Variants in NCKAP5 observed in about 807,000 individuals in gnomAD.
The protein encoded by NCKAP5 is NCK associated protein 5, also known as nck-associated protein 5.
Under a neutral mutation model 167.0 loss-of-function variants are expected in NCKAP5, and 92 were observed. The ratio of observed to expected loss-of-function variants is 0.55; its 90% confidence interval spans 0.47 to 0.66. The LOEUF (loss-of-function observed/expected upper bound fraction) is 0.66, where lower values mean the gene tolerates loss of function less well. Ranked by LOEUF, NCKAP5 falls within the 30% of genes least tolerant of loss-of-function variation. The pLI, the probability that NCKAP5 is intolerant of heterozygous loss-of-function variation, is 0.00. For missense variants in NCKAP5, 2,378 were observed against 2,315.0 expected (o/e 1.03, Z -0.56); for synonymous variants, 891 against 877.4 (o/e 1.02, Z -0.27).
At chr2:133,532,405 G>T (rs1685440301) in intron 2 of NCKAP5, among the ~76,000 whole-genome samples, 1 of 152,182 alleles carries the variant, frequency 6.6e-6, no homozygotes, top group Non-Finnish European at 1.5e-5. Context: ...TGAGAAGGCA[G>T]TGCCAAATTG....
the NCKAP5 span, among the ~76,000 whole-genome samples, chr2:133,599,769 G>A: frequency 2.4e-3 from 366 of 152,326 alleles, 2 homozygotes; most frequent in African/African-American, 8.2e-3. Context: ...GAGATGCCGG[G>A]AGAGCATGAG....
chr2:132,822,929 A>G (rs1686861665), intron 11 of NCKAP5, among the ~76,000 whole-genome samples: 1 of 152,212 alleles, frequency 6.6e-6, no homozygotes, highest in South Asian at 2.1e-4. Flanking sequence ...TTTCAACAAT[A>G]GACTAGGATA....
At chr2:133,663,062 C>G in the NCKAP5 span, among the ~76,000 whole-genome samples, 7 of 151,882 alleles carry the variant, frequency 4.6e-5, no homozygotes, top group African/African-American at 1.7e-4. Flanking sequence ...GTCAGGAGAT[C>G]GAGACCATCC....
At chr2:132,986,589 A>G (rs868239368) in intron 7 of NCKAP5, among the ~76,000 whole-genome samples, 4 of 152,238 alleles carry the variant, frequency 2.6e-5, no homozygotes, top group Admixed American at 2.0e-4. Context: ...ACATATGTTC[A>G]TGAAAATAAA....
At chr2:133,416,532 C>G (rs1689118627) in intron 3 of NCKAP5, among the ~76,000 whole-genome samples, 1 of 152,088 alleles carries the variant, frequency 6.6e-6, no homozygotes, top group South Asian at 2.1e-4. Context: ...ATGGAAACTT[C>G]AGGCTTCTTG....
At position 133,567,678 on chromosome 2, in the gene NCKAP5, TG is replaced by T. The variant is rs1575169239; in HGVS notation, c.-130+537del. The stretch of plus-strand genomic sequence containing the variant: ...GAGCCTGTGTGTGTGTGTGTGTGTG[TG>T]TGTGTGTGTGTGTGTGTGTGTTTGG... On this transcript the variant is annotated intron_variant, in intron 1 of 19. Coordinates refer to ENST00000409261, the MANE Select transcript of NCKAP5 (RefSeq NM_207363.3). Among the ~76,000 whole-genome samples, 9 of 151,470 alleles carry T rather than the reference TG, an allele frequency of 5.9e-5. No individual in the cohort carries two copies. The East Asian group carries it at 1.8e-3, about 29-fold the overall frequency.
At chr2:133,300,332 G>C (rs944718524) in intron 4 of NCKAP5, among the ~76,000 whole-genome samples, 1 of 133,598 alleles carries the variant, frequency 7.5e-6, no homozygotes, top group African/African-American at 3.2e-5. Context: ...CCAAAAAAGA[G>C]AATTTTAGAC....
chr2:133,377,449 C>T (rs958488725), intron 3 of NCKAP5, among the ~76,000 whole-genome samples: 1 of 152,122 alleles, frequency 6.6e-6, no homozygotes, highest in Non-Finnish European at 1.5e-5. Flanking sequence ...ACCACACTTC[C>T]TAAACCTCAT....
chr2:133,667,225 T>C, the NCKAP5 span, among the ~76,000 whole-genome samples: 11 of 150,726 alleles, frequency 7.3e-5, no homozygotes, highest in Admixed American at 6.6e-4. Flanking sequence ...GTTCCAAATA[T>C]TGGATCATTT....
intron 4 of NCKAP5, chr2:133,264,947 A>G (rs1040867373): frequency 2.0e-5 from 3 of 152,268 alleles, no homozygotes; most frequent in Non-Finnish European, 4.4e-5. Flanking sequence ...CTACTCCTGC[A>G]AAGAACATTA....
At chr2:132,682,953 C>G (rs547206576) in intron 19 of NCKAP5, among the ~76,000 whole-genome samples, 1 of 150,592 alleles carries the variant, frequency 6.6e-6, no homozygotes, top group Non-Finnish European at 1.5e-5. Context: ...GATGCGATCT[C>G]GGCTCACTTC....
intron 6 of NCKAP5, among the ~76,000 whole-genome samples, chr2:133,000,064 A>C (rs948826026): frequency 6.6e-6 from 1 of 152,212 alleles, no homozygotes; most frequent in African/African-American, 2.4e-5. Context: ...CCATGAAATT[A>C]TTCAATATTC....
At chr2:132,878,938 A>C (rs970943972) in intron 8 of NCKAP5, 22 bp from the exon 9 acceptor site, 1 of 1,586,426 alleles carries the variant, frequency 6.3e-7, no homozygotes, top group African/African-American at 1.3e-5. Flanking sequence ...TACAAAAATA[A>C]CACAAATAAA....
chr2:133,360,040 C>A (rs1473300319), intron 3 of NCKAP5, among the ~76,000 whole-genome samples: 1 of 152,066 alleles, frequency 6.6e-6, no homozygotes, highest in African/African-American at 2.4e-5. Context: ...TGATTTTATA[C>A]CTCTCTTGTC....
chr2:132,941,916 TATTCTTCC>T (rs1444433659), intron 8 of NCKAP5, among the ~76,000 whole-genome samples: 1 of 152,228 alleles, frequency 6.6e-6, no homozygotes, highest in Non-Finnish European at 1.5e-5. Flanking sequence ...ATCTATGTCA[TATTCTTCC>T]CTCGGGCAAA....
chr2:133,612,083 G>T, the NCKAP5 span, among the ~76,000 whole-genome samples: 1 of 152,104 alleles, frequency 6.6e-6, no homozygotes, highest in Non-Finnish European at 1.5e-5. Flanking sequence ...CATTCAACCT[G>T]GCTGCCATTG....
chr2:133,018,667 T>C (rs1257152746), intron 6 of NCKAP5, among the ~76,000 whole-genome samples: 17 of 152,198 alleles, frequency 1.1e-4, no homozygotes, highest in Non-Finnish European at 1.5e-5. Flanking sequence ...GCTCCAGAAA[T>C]GTATTTATCA....
rs969431201 is a variant in NCKAP5 at position 133,123,908 on chromosome 2, G to A, written c.341+6070C>T. On this transcript the variant is annotated intron_variant, in intron 6 of 19. Coordinates refer to ENST00000409261, the MANE Select transcript of NCKAP5 (RefSeq NM_207363.3). Reference sequence around the variant, plus strand: ...TATCCTCTTCAACACACACTTCTATGCCAGGTGCCTACAGTTTCCAAATGG... The same window carrying A: ...TATCCTCTTCAACACACACTTCTATACCAGGTGCCTACAGTTTCCAAATGG... The A allele has an allele frequency of 4.8e-5, 20 of 418,534 alleles. No individual in the cohort carries two copies. In the Admixed American group the frequency reaches 4.8e-4, roughly 10 times the overall value. 25.9% of individuals were successfully genotyped at this position (418,534 alleles called of 1,614,324 possible).
In NCKAP5 at chr2:132,782,460, G is replaced by A. The variant is rs1194407139; in HGVS notation, c.4351C>T (p.His1451Tyr). 6 of 1,613,330 alleles carry A rather than the reference G, an allele frequency of 3.7e-6. No individual in the cohort carries two copies. The highest frequency in any genetic ancestry group is 5.1e-6 in the Non-Finnish European group (6 of 1,179,682). The change falls in exon 14 of 20, where the codon CAT (histidine) becomes TAT (tyrosine). Residue 1451 changes from histidine (H) to tyrosine (Y), a missense_variant. Coordinates refer to ENST00000409261, the MANE Select transcript of NCKAP5 (RefSeq NM_207363.3). ...GTCGCGGTTGCAGAGGCATCTGGATGCCTTCCAGAAGTTTCTAGCTTGGAT... is the reference window on the plus strand; with the variant it reads ...GTCGCGGTTGCAGAGGCATCTGGATACCTTCCAGAAGTTTCTAGCTTGGAT... ...STSKLETSGR[H>Y]PDASATATDA...
Sources: allele counts gnomAD v4.1 joint callset (sites outside exome capture counted in the v4.1 genomes callset), GRCh38; gene constraint gnomAD v4.1.1; transcripts MANE v1.5; gene names NCBI Gene and HGNC (gene_info 2026-07-23, HGNC 2026-07-21).